Variants in MAN1A1 observed in about 807,000 individuals in gnomAD.
MAN1A1 encodes mannosidase alpha class 1A member 1.
MAN1A1 carries 29 observed loss-of-function variants against 70.8 expected under a neutral mutation model. That is an observed-to-expected ratio of 0.41 (90% CI 0.31 to 0.56). The LOEUF (loss-of-function observed/expected upper bound fraction) is 0.56. Ranked by LOEUF, MAN1A1 falls within the 20% of genes least tolerant of loss-of-function variation. The pLI, the probability that MAN1A1 is intolerant of heterozygous loss-of-function variation, is 0.29. For synonymous variants in MAN1A1, 349 were observed against 330.1 expected (o/e 1.06, Z -0.62); for missense variants, 747 against 841.3 (o/e 0.89, Z 1.39).
At chr6:119,317,978 C>T (rs2114471418) in intron 2 of MAN1A1, among the ~76,000 whole-genome samples, 1 of 152,060 alleles carries the variant, frequency 6.6e-6, no homozygotes, top group African/African-American at 2.4e-5. Flanking sequence ...AATCCATGAT[C>T]TTGTAAGATT....
intron 2 of MAN1A1, among the ~76,000 whole-genome samples, chr6:119,339,361 C>T (rs1224874029): frequency 6.6e-6 from 1 of 151,824 alleles, no homozygotes; most frequent in Non-Finnish European, 1.5e-5. Flanking sequence ...TTAATAAAAA[C>T]AAAAAAGTGG....
At chr6:119,329,402 G>C (rs766263860) in intron 2 of MAN1A1, among the ~76,000 whole-genome samples, 8 of 152,154 alleles carry the variant, frequency 5.3e-5, no homozygotes, top group East Asian at 1.9e-4. Flanking sequence ...GTAATTCCAG[G>C]TTCTGTGAGG....
chr6:119,316,283 T>G (rs938269618), intron 2 of MAN1A1, among the ~76,000 whole-genome samples: 2 of 150,030 alleles, frequency 1.3e-5, no homozygotes, highest in Non-Finnish European at 2.9e-5. Context: ...GTTCAAGCGA[T>G]TGTCCTGCCT....
intron 5 of MAN1A1, among the ~76,000 whole-genome samples, chr6:119,287,692 TATACAG>T (rs1010199126): frequency 5.9e-5 from 9 of 151,990 alleles, no homozygotes; most frequent in African/African-American, 2.2e-4. Context: ...TTTTAGTATG[TATACAG>T]ATACAGATTT....
chr6:119,335,268 A>G (rs1394389139), intron 2 of MAN1A1, among the ~76,000 whole-genome samples: 4 of 152,236 alleles, frequency 2.6e-5, no homozygotes, highest in Admixed American at 2.0e-4. Context: ...CCTAGCTGCT[A>G]GTAAGTACAT....
chr6:119,189,936 C>T, intron 9 of MAN1A1, 53 bp from the exon 10 acceptor site: 3 of 1,330,310 alleles, frequency 2.3e-6, no homozygotes, highest in Non-Finnish European at 3.2e-6. Context: ...CAAATTTATA[C>T]TAAAAATATG....
At chr6:119,326,118 G>A (rs1255705752) in intron 2 of MAN1A1, among the ~76,000 whole-genome samples, 1 of 152,220 alleles carries the variant, frequency 6.6e-6, no homozygotes, top group Non-Finnish European at 1.5e-5. Context: ...GCCGTAGATA[G>A]GTGAAATACA....
chr6:119,259,435 T>C (rs1316293055), intron 5 of MAN1A1, among the ~76,000 whole-genome samples: 1 of 152,236 alleles, frequency 6.6e-6, no homozygotes, highest in Non-Finnish European at 1.5e-5. Context: ...TGAATACCTA[T>C]GTATACAGGT....
intron 2 of MAN1A1, among the ~76,000 whole-genome samples, chr6:119,322,310 T>C (rs1048722778): frequency 2.0e-5 from 3 of 152,230 alleles, no homozygotes; most frequent in Admixed American, 1.3e-4. Flanking sequence ...CTGCTTTTTT[T>C]CTTCTCCTAG....
At chr6:119,241,492 A>G (rs999772291) in intron 6 of MAN1A1, among the ~76,000 whole-genome samples, 1 of 152,144 alleles carries the variant, frequency 6.6e-6, no homozygotes, top group African/African-American at 2.4e-5. Context: ...TAGAAAAGCA[A>G]ATTATCAATT....
At chr6:119,321,968 C>T (rs1256776296) in intron 2 of MAN1A1, among the ~76,000 whole-genome samples, 2 of 152,130 alleles carry the variant, frequency 1.3e-5, no homozygotes, top group East Asian at 3.9e-4. Context: ...GGGCCGCAGC[C>T]CTCCATAACA....
intron 5 of MAN1A1, among the ~76,000 whole-genome samples, chr6:119,289,099 TATATAGAAAC>T (rs1776462211): frequency 1.3e-5 from 2 of 151,726 alleles, no homozygotes; most frequent in South Asian, 4.1e-4. Context: ...AGTATACACA[TATATAGAAAC>T]ACATATATGT....
At chr6:119,209,698 G>A (rs897293788) in intron 6 of MAN1A1, among the ~76,000 whole-genome samples, 1 of 152,038 alleles carries the variant, frequency 6.6e-6, no homozygotes, top group Non-Finnish European at 1.5e-5. Flanking sequence ...ACTTACAAAC[G>A]CGTCCTTCCT....
At chr6:119,326,819 G>A (rs968875383) in intron 2 of MAN1A1, among the ~76,000 whole-genome samples, 9 of 152,186 alleles carry the variant, frequency 5.9e-5, no homozygotes, top group Non-Finnish European at 8.8e-5. Context: ...TGGGGATTGT[G>A]GGGATTATGG....
At chr6:119,250,677 C>T (rs199913243) in intron 5 of MAN1A1, among the ~76,000 whole-genome samples, 117 of 116,836 alleles carry the variant, frequency 1.0e-3, no homozygotes, top group African/African-American at 2.7e-3. Context: ...TGTGTGTGTG[C>T]GTGTCAGTTA....
At chr6:119,304,244 C>G (rs1562234276) in intron 3 of MAN1A1, among the ~76,000 whole-genome samples, 1 of 151,928 alleles carries the variant, frequency 6.6e-6, no homozygotes, top group Non-Finnish European at 1.5e-5. Context: ...ACCTGAAGAC[C>G]CTTGCATTTT....
chr6:119,323,363 C>T (rs537234179), intron 2 of MAN1A1, among the ~76,000 whole-genome samples: 1 of 152,254 alleles, frequency 6.6e-6, no homozygotes, highest in Admixed American at 6.5e-5. Flanking sequence ...TGATGTAAGC[C>T]ACAAATTTGT....
At chr6:119,312,043 A>C (rs539628233) in intron 2 of MAN1A1, among the ~76,000 whole-genome samples, 1 of 152,312 alleles carries the variant, frequency 6.6e-6, no homozygotes, top group East Asian at 1.9e-4. Context: ...TGTTTGGCTC[A>C]CTTATATAAC....
At chr6:119,232,415 T>C (rs557624557) in intron 6 of MAN1A1, among the ~76,000 whole-genome samples, 2 of 148,278 alleles carry the variant, frequency 1.3e-5, no homozygotes, top group Non-Finnish European at 3.0e-5. Context: ...AATTACTTAA[T>C]GATCAATATA....
Sources: allele counts gnomAD v4.1 joint callset (sites outside exome capture counted in the v4.1 genomes callset), GRCh38; gene constraint gnomAD v4.1.1; transcripts MANE v1.5; gene names NCBI Gene and HGNC (gene_info 2026-07-23, HGNC 2026-07-21).